Variants in LRFN5 observed in about 807,000 individuals in gnomAD.
The protein encoded by LRFN5 is leucine rich repeat and fibronectin type III domain containing 5, also known as leucine-rich repeat and fibronectin type-III domain-containing protein 5.
Under a neutral mutation model 45.6 loss-of-function variants are expected in LRFN5, and 24 were observed. That is an observed-to-expected ratio of 0.53 (90% CI 0.38 to 0.74). The LOEUF is 0.74. Among genes scored for constraint, LRFN5 ranks in the 30% least tolerant of loss-of-function variants. The pLI is 0.00. For missense variants in LRFN5, 776 were observed against 861.5 expected (o/e 0.90, Z 1.24); for synonymous variants, 340 against 313.8 (o/e 1.08, Z -0.88).
At chr14:41,775,194 C>T (rs1301624479) in intron 2 of LRFN5, among the ~76,000 whole-genome samples, 3 of 146,808 alleles carry the variant, frequency 2.0e-5, no homozygotes, top group African/African-American at 7.6e-5. Context: ...GGGTTCACGC[C>T]ATTCTCCTGC....
rs1439271924 is a variant in LRFN5 at position 41,674,372 on chromosome 14, G to A, written c.-197+65810G>A. ...TCCCAGATGGGGCGGCTGGCCGGGC[G>A]GGGGGCTGACCCCCCCACCTCCCTC... On this transcript the variant is annotated intron_variant, in intron 1 of 5. Transcript: ENST00000298119. Among the ~76,000 whole-genome samples the A allele has an allele frequency of 1.9e-3, 250 of 130,412 alleles. 1 individual carries two copies. Among genetic ancestry groups the A allele is most frequent in the African/African-American group, 6.3e-3 (213 of 33,936 alleles). The allele number at this position is 130,412 out of a possible 152,430, so 85.6% of individuals were successfully genotyped here. A position where few individuals can be genotyped will look rare whatever the true frequency, so the allele number is the denominator to read the frequency against.
At chr14:41,656,992 C>G (rs185569545) in intron 1 of LRFN5, among the ~76,000 whole-genome samples, 1 of 151,698 alleles carries the variant, frequency 6.6e-6, no homozygotes, top group African/African-American at 2.4e-5. Flanking sequence ...TATCCTCAAT[C>G]GTTATGTTTC....
intron 1 of LRFN5, among the ~76,000 whole-genome samples, chr14:41,738,782 G>A (rs1884559993): frequency 6.6e-6 from 1 of 152,050 alleles, no homozygotes; most frequent in East Asian, 1.9e-4. Flanking sequence ...TATTTATAAT[G>A]TGTCTTAATG....
chr14:41,630,896 G>T (rs1203179932), intron 1 of LRFN5, among the ~76,000 whole-genome samples: 4 of 151,942 alleles, frequency 2.6e-5, no homozygotes, highest in African/African-American at 7.2e-5. Flanking sequence ...TAACTGGAAG[G>T]CTTAACAATT....
At chr14:41,758,789 G>A (rs1566656620) in intron 1 of LRFN5, among the ~76,000 whole-genome samples, 1 of 152,014 alleles carries the variant, frequency 6.6e-6, no homozygotes, top group Non-Finnish European at 1.5e-5. Flanking sequence ...GTTTAACTTT[G>A]TTTCCAATGA....
In LRFN5 at chr14:41,751,939, G is replaced by A. The variant is rs369190618; in HGVS notation, c.-196-14915G>A. Among the ~76,000 whole-genome samples, 38 of 152,074 alleles carry A rather than the reference G, an allele frequency of 2.5e-4. No individual in the cohort carries two copies. The South Asian group carries it at 3.1e-3, about 12-fold the overall frequency. On this transcript the variant is annotated intron_variant, in intron 1 of 5. Transcript: ENST00000298119. ...CTCCCGCCAACCCACAACAGGCCCC[G>A]GTGTGTGATGTTCCCCTTCCTGTGC...
chr14:41,707,863 A>G (rs58352468), intron 1 of LRFN5, among the ~76,000 whole-genome samples: 7,258 of 152,128 alleles, frequency 0.048, 558 homozygotes, highest in African/African-American at 0.16. Flanking sequence ...TTAACTGTTA[A>G]TTCTTTTACA....
chr14:41,674,770 G>T (rs1407966070), intron 1 of LRFN5, among the ~76,000 whole-genome samples: 1 of 151,388 alleles, frequency 6.6e-6, no homozygotes, highest in South Asian at 2.1e-4. Context: ...CCCAGACGGG[G>T]TGGCTGCCGG....
chr14:41,856,675 A>ATTATTT lies in LRFN5; in HGVS notation c.-20-29929_-20-29928insATTTTT. On this transcript the variant is annotated intron_variant, in intron 2 of 5. Coordinates refer to ENST00000298119, the MANE Select transcript of LRFN5 (RefSeq NM_152447.5). Reference sequence around the variant, plus strand: ...TTCTTTCCTAATTATTATTATTATTATTTTTTTTTTTTTTTTTTTGAGACG... The same window carrying ATTATTT: ...TTCTTTCCTAATTATTATTATTATTATTATTTTTTTTTTTTTTTTTTTTTTGAGACG... Among the ~76,000 whole-genome samples, 99 of 18,340 alleles carry ATTATTT rather than the reference A, an allele frequency of 5.4e-3. 13 individuals are homozygous for ATTATTT. Among genetic ancestry groups the ATTATTT allele is most frequent in the African/African-American group, 0.012 (95 of 7,824 alleles). 12.0% of individuals were successfully genotyped at this position (18,340 alleles called of 152,430 possible).
At chr14:41,742,297 AAAATGTGGTGTGTAT>A (rs1464079123) in intron 1 of LRFN5, among the ~76,000 whole-genome samples, 1 of 136,308 alleles carries the variant, frequency 7.3e-6, no homozygotes, top group East Asian at 2.1e-4. Flanking sequence ...ATTAATGAAG[AAAATGTGGTGTGTAT>A]ACACACACAC....
At chr14:41,713,728 T>C (rs1883377560) in intron 1 of LRFN5, among the ~76,000 whole-genome samples, 1 of 152,152 alleles carries the variant, frequency 6.6e-6, no homozygotes, top group East Asian at 1.9e-4. Flanking sequence ...TATAATCAAG[T>C]TACAGTGTGT....
intron 2 of LRFN5, among the ~76,000 whole-genome samples, chr14:41,878,155 A>T (rs141593438): frequency 6.6e-6 from 1 of 152,286 alleles, no homozygotes; most frequent in Admixed American, 6.5e-5. Flanking sequence ...AAACTATTAA[A>T]GGCATTTCAG....
chr14:41,683,349 A>G (rs1881986253), intron 1 of LRFN5, among the ~76,000 whole-genome samples: 1 of 152,180 alleles, frequency 6.6e-6, no homozygotes, highest in African/African-American at 2.4e-5. Flanking sequence ...ATGGCAGAGC[A>G]ACAGCTAGTA....
At chr14:41,673,850 G>A (rs1374109246) in intron 1 of LRFN5, among the ~76,000 whole-genome samples, 1 of 143,530 alleles carries the variant, frequency 7.0e-6, no homozygotes, top group Non-Finnish European at 1.5e-5. Flanking sequence ...GCGGGGGGCT[G>A]AACCCCCTAC....
intron 1 of LRFN5, among the ~76,000 whole-genome samples, chr14:41,712,919 T>C (rs900340177): frequency 6.6e-6 from 1 of 152,076 alleles, no homozygotes. Flanking sequence ...TCCACAAATA[T>C]ATGTAATTAT....
chr14:41,712,135 T>C (rs892872455), intron 1 of LRFN5, among the ~76,000 whole-genome samples: 2 of 152,118 alleles, frequency 1.3e-5, no homozygotes, highest in Non-Finnish European at 2.9e-5. Flanking sequence ...CTGAGACACA[T>C]GAGGGACAGC....
chr14:41,833,471 CAT>C (rs1299029959), intron 2 of LRFN5, among the ~76,000 whole-genome samples: 1 of 152,182 alleles, frequency 6.6e-6, no homozygotes, highest in Non-Finnish European at 1.5e-5. Flanking sequence ...AGCCACTACA[CAT>C]GAGTTACAGA....
At chr14:41,893,832 T>A in intron 4 of LRFN5, 1 of 985,368 alleles carries the variant, frequency 1.0e-6, no homozygotes, top group Non-Finnish European at 1.2e-6. Flanking sequence ...TCTAAAAAGT[T>A]TACTTTTCAC....
chr14:41,715,667 C>T (rs1043900239), intron 1 of LRFN5, among the ~76,000 whole-genome samples: 11 of 152,170 alleles, frequency 7.2e-5, no homozygotes, highest in Non-Finnish European at 1.2e-4. Context: ...AGCATGCCCC[C>T]GTTGCTTTGC....
Sources: gnomAD v4.1 joint callset for allele counts (sites outside exome capture counted in the v4.1 genomes callset) on GRCh38, gnomAD v4.1.1 for gene constraint, MANE v1.5 for transcripts, NCBI Gene and HGNC (gene_info 2026-07-23, HGNC 2026-07-21) for gene names.